TRAPPC6A: variants seen among roughly 807,000 people sequenced by gnomAD.
TRAPPC6A encodes the protein trafficking protein particle complex subunit 6A.
TRAPPC6A carries 25 observed loss-of-function variants against 20.8 expected under a neutral mutation model. The observed-to-expected ratio is 1.20, with a 90% CI of 0.88 to 1.68. The LOEUF (loss-of-function observed/expected upper bound fraction) is 1.68, where lower values mean the gene tolerates loss of function less well. Among genes scored for constraint, TRAPPC6A ranks in the 40% most tolerant of loss-of-function variants. TRAPPC6A has a pLI of 0.00. For synonymous variants in TRAPPC6A, 96 were observed against 93.3 expected, an observed-to-expected ratio of 1.03 and a Z score of -0.16; for missense variants, 215 against 211.6, an observed-to-expected ratio of 1.02 and a Z score of -0.10.
At chr19:45,177,381 C>T (rs1402007202) in intron 1 of TRAPPC6A, among the ~76,000 whole-genome samples, 1 of 152,124 alleles carries the variant, frequency 6.6e-6, no homozygotes, top group African/African-American at 2.4e-5. Flanking sequence ...CGCTCTGTCG[C>T]CTAGGCTGGA....
chr19:45,165,637 G>A (rs1438695616), intron 1 of TRAPPC6A, among the ~76,000 whole-genome samples: 1 of 152,242 alleles, frequency 6.6e-6, no homozygotes, highest in African/African-American at 2.4e-5. Flanking sequence ...CTGGGCCACA[G>A]GAAAGGGGGC....
At chr19:45,165,732 T>G (rs2122827239) in intron 1 of TRAPPC6A, among the ~76,000 whole-genome samples, 1 of 152,270 alleles carries the variant, frequency 6.6e-6, no homozygotes, top group East Asian at 1.9e-4. Flanking sequence ...CAGGCAGATC[T>G]TCGTTTGGGT....
intron 1 of TRAPPC6A, among the ~76,000 whole-genome samples, chr19:45,169,095 C>T (rs770752302): frequency 6.6e-6 from 1 of 152,110 alleles, no homozygotes; most frequent in Non-Finnish European, 1.5e-5. Flanking sequence ...TGGAAGGGGC[C>T]GATGACTGCA....
chr19:45,177,171 C>T (rs1236316803), intron 1 of TRAPPC6A, among the ~76,000 whole-genome samples: 1 of 147,634 alleles, frequency 6.8e-6, no homozygotes, highest in East Asian at 2.0e-4. Context: ...CCTGGGCGAC[C>T]GAGCAGGATG....
intron 1 of TRAPPC6A, among the ~76,000 whole-genome samples, chr19:45,171,470 G>A (rs1295857526): frequency 1.3e-5 from 2 of 152,158 alleles, no homozygotes; most frequent in African/African-American, 2.4e-5. Flanking sequence ...AAGGAAAGGT[G>A]GAAGGGAAGT....
In TRAPPC6A at chr19:45,163,214, T is replaced by G. The variant is rs751241846; in HGVS notation, c.458A>C (p.Gln153Pro). ...GGCTTAGGATTTCGGAATCACCACCTGGAACTTACCTGGAAGAGAAGGCCT... is the reference window on the plus strand; with the variant it reads ...GGCTTAGGATTTCGGAATCACCACCGGGAACTTACCTGGAAGAGAAGGCCT... ...SVAALPVCKF[Q>P]VVIPKS Residue 153 changes from glutamine to proline, a missense_variant, in exon 6 of 6, where the codon CAG becomes CCG. Coordinates refer to ENST00000585934, the MANE Select transcript of TRAPPC6A (RefSeq NM_001270891.2). The surrounding 1 kb of genome is among the most constrained non-coding windows in gnomAD (Gnocchi z 5.3). 6.2e-7 allele frequency: 1 copy of G among 1,613,834 alleles called. No individual in the cohort carries two copies. The highest frequency in any genetic ancestry group is 8.5e-7 in the Non-Finnish European group (1 of 1,179,858).
intron 3 of TRAPPC6A, among the ~76,000 whole-genome samples, chr19:45,164,569 C>T (rs1190257939): frequency 6.6e-6 from 1 of 152,158 alleles, no homozygotes; most frequent in Non-Finnish European, 1.5e-5. Flanking sequence ...CAGCTTGGGA[C>T]AAGCAGCATC....
At position 45,163,903 on chromosome 19, in the gene TRAPPC6A, C is replaced by T. The variant is rs371777682; in HGVS notation, c.448+13G>A. On this transcript the variant is annotated intron_variant, in intron 5 of 5. Transcript: ENST00000585934. This position sits in a 1 kb window ranked among gnomAD's most constrained non-coding sequence, Gnocchi z 5.3. Reference sequence around the variant, plus strand: ...AAGGGATGAGAAGAATCCCCCCACCCCCCATGACTCACAGACGGGCAGGGC... The same window carrying T: ...AAGGGATGAGAAGAATCCCCCCACCTCCCATGACTCACAGACGGGCAGGGC... The T allele has an allele frequency of 7.3e-5, 114 of 1,563,886 alleles. No individual in the cohort carries two copies. Among genetic ancestry groups the T allele is most frequent in the Non-Finnish European group, 9.1e-5 (105 of 1,152,938 alleles).
chr19:45,164,668 C>A, intron 3 of TRAPPC6A, 185 bp downstream of exon 3: 1 of 625,586 alleles, frequency 1.6e-6, no homozygotes, highest in South Asian at 1.9e-5. Context: ...GGAAACACCC[C>A]CTATGCCCCA....
chr19:45,174,350 C>T (rs913247991), intron 1 of TRAPPC6A, among the ~76,000 whole-genome samples: 17 of 152,126 alleles, frequency 1.1e-4, no homozygotes, highest in African/African-American at 4.1e-4. Context: ...AGTCCCCACC[C>T]ATCCCCACCT....
chr19:45,164,335 G>C, intron 3 of TRAPPC6A, 88 bp from the exon 4 acceptor site: 1 of 900,188 alleles, frequency 1.1e-6, no homozygotes, highest in Admixed American at 2.8e-5. Flanking sequence ...GTCTTAGATT[G>C]GGCTGAGGTT....
At chr19:45,174,949 T>C (rs1381324398) in intron 1 of TRAPPC6A, among the ~76,000 whole-genome samples, 2 of 137,726 alleles carry the variant, frequency 1.5e-5, no homozygotes, top group Admixed American at 1.5e-4. Context: ...TGAAACCCCG[T>C]CTCTACTAAA....
intron 1 of TRAPPC6A, among the ~76,000 whole-genome samples, chr19:45,168,770 C>T (rs1470746546): frequency 6.6e-6 from 1 of 152,162 alleles, no homozygotes; most frequent in African/African-American, 2.4e-5. Context: ...AAGAAGAACC[C>T]ATCCAAGGCA....
At chr19:45,165,220 A>G in intron 1 of TRAPPC6A, 26 bp from the exon 2 acceptor site, 1 of 1,574,446 alleles carries the variant, frequency 6.4e-7, no homozygotes, top group Non-Finnish European at 8.6e-7. Flanking sequence ...AGAGATGCTC[A>G]GGGGCCCTTA....
At position 45,163,276 on chromosome 19, in the gene TRAPPC6A, G is replaced by A; in HGVS notation, c.449-53C>T. On this transcript the variant is annotated intron_variant, in intron 5 of 5. Coordinates refer to ENST00000585934, the MANE Select transcript of TRAPPC6A (RefSeq NM_001270891.2). This position sits in a 1 kb window ranked among gnomAD's most constrained non-coding sequence, Gnocchi z 5.3. ...GAGGATGGGATGGGGGAGGCAGAGG[G>A]CACCTGGACGGCTCTTAGGCGCTCA... 6.2e-7 allele frequency: 1 copy of A among 1,601,266 alleles called. No individual in the cohort carries two copies. The highest frequency in any genetic ancestry group is 8.5e-7 in the Non-Finnish European group (1 of 1,169,784).
chr19:45,166,435 C>A (rs1355931488), intron 1 of TRAPPC6A, among the ~76,000 whole-genome samples: 3 of 151,936 alleles, frequency 2.0e-5, no homozygotes, highest in African/African-American at 7.3e-5. Context: ...TCTCAAACTC[C>A]TAGCCTCAAG....
rs373452379 is a variant in TRAPPC6A at position 45,178,223 on chromosome 19, C to G, written c.-5G>C. 5.7e-5 allele frequency: 90 copies of G among 1,589,962 alleles called. No homozygotes were observed. In the African/African-American group the frequency reaches 1.0e-3, roughly 18 times the overall value. On this transcript the variant is annotated 5_prime_UTR_variant, in exon 1 of 6. Transcript: ENST00000585934. ...AAACAACACAGTATCCGCCATGCCC[C>G]CTCCTCGCACGCCTAAAGATGCGCC... is the stretch of plus-strand genomic sequence containing the variant.
At chr19:45,164,088 G>A (rs894124676) in intron 4 of TRAPPC6A, 76 bp downstream of exon 4, 39 of 1,546,074 alleles carry the variant, frequency 2.5e-5, no homozygotes, top group Non-Finnish European at 3.2e-5. Flanking sequence ...TAGGCCTGGG[G>A]AAAGGCCTGA....
intron 1 of TRAPPC6A, among the ~76,000 whole-genome samples, chr19:45,171,268 T>G (rs993499399): frequency 1.3e-5 from 2 of 149,966 alleles, no homozygotes; most frequent in Non-Finnish European, 3.0e-5. Context: ...CACCAACACA[T>G]TCCAGCCTGG....
Sources: gnomAD v4.1 joint callset for allele counts (sites outside exome capture counted in the v4.1 genomes callset) on GRCh38, gnomAD v4.1.1 for gene constraint, Gnocchi (gnomAD v3.1) non-coding constraint, MANE v1.5 for transcripts, NCBI Gene and HGNC (gene_info 2026-07-23, HGNC 2026-07-21) for gene names.